The following GMDS variants were observed in gnomAD, a reference collection of about 807,000 sequenced individuals.
GMDS encodes GDP-mannose 4,6-dehydratase.
GMDS carries 20 observed loss-of-function variants against 49.9 expected under a neutral mutation model. That is an observed-to-expected ratio of 0.40 (90% CI 0.28 to 0.58). GMDS has a LOEUF of 0.58. Among genes scored for constraint, GMDS ranks in the 20% least tolerant of loss-of-function variants. The probability of loss-of-function intolerance (pLI) is 0.42; values close to 1 mark genes in which losing one functional copy is unlikely to be tolerated. For synonymous variants in GMDS, 177 were observed against 178.6 expected (o/e 0.99, Z 0.07); for missense variants, 362 against 481.4 (o/e 0.75, Z 2.32).
chr6:2,170,014 A>G (rs1280782421), intron 1 of GMDS, among the ~76,000 whole-genome samples: 4 of 152,148 alleles, frequency 2.6e-5, no homozygotes, highest in Non-Finnish European at 5.9e-5. Context: ...GACCAGCCTG[A>G]CCAACATAAA....
intron 4 of GMDS, among the ~76,000 whole-genome samples, chr6:1,986,439 G>T (rs1269215307): frequency 6.6e-6 from 1 of 152,162 alleles, no homozygotes; most frequent in Non-Finnish European, 1.5e-5. Context: ...TTGCATCTGT[G>T]AATTCCCTAT....
chr6:2,133,833 TCAAATTTTGTAAAAA>T (rs1480416300), intron 1 of GMDS, among the ~76,000 whole-genome samples: 31 of 152,316 alleles, frequency 2.0e-4, no homozygotes, highest in African/African-American at 6.3e-4. Context: ...CAAGGATATA[TCAAATTTTGTAAAAA>T]CAACTTTAAG....
At chr6:1,978,628 C>T (rs111861752) in intron 4 of GMDS, among the ~76,000 whole-genome samples, 27 of 152,256 alleles carry the variant, frequency 1.8e-4, no homozygotes, top group East Asian at 1.9e-4. Flanking sequence ...TGGGGCAGAG[C>T]GCCTGAGTGG....
At chr6:2,098,801 TA>T (rs1346355676) in intron 4 of GMDS, among the ~76,000 whole-genome samples, 3 of 152,162 alleles carry the variant, frequency 2.0e-5, no homozygotes, top group Admixed American at 2.0e-4. Flanking sequence ...TAATTGAATC[TA>T]TGCTAGCTAT....
At chr6:2,076,437 G>C (rs1420081972) in intron 4 of GMDS, among the ~76,000 whole-genome samples, 1 of 152,154 alleles carries the variant, frequency 6.6e-6, no homozygotes, top group Non-Finnish European at 1.5e-5. Context: ...AACCAAAAGA[G>C]AGCCCACATT....
intron 1 of GMDS, among the ~76,000 whole-genome samples, chr6:2,143,051 T>A (rs1254638543): frequency 6.6e-6 from 1 of 152,228 alleles, no homozygotes; most frequent in Non-Finnish European, 1.5e-5. Flanking sequence ...TGTTTCCCAC[T>A]GGTCTGTAGG....
chr6:1,837,712 G>C (rs1172542703), intron 7 of GMDS, among the ~76,000 whole-genome samples: 1 of 152,164 alleles, frequency 6.6e-6, no homozygotes, highest in African/African-American at 2.4e-5. Flanking sequence ...TTAAAGCGAA[G>C]GCACGATATT....
chr6:2,026,958 A>G (rs778466017), intron 4 of GMDS, among the ~76,000 whole-genome samples: 3 of 152,252 alleles, frequency 2.0e-5, no homozygotes, highest in Non-Finnish European at 4.4e-5. Context: ...CACAGATCAT[A>G]TAAGAAATAA....
intron 4 of GMDS, among the ~76,000 whole-genome samples, chr6:2,000,171 G>A (rs1384408907): frequency 6.9e-6 from 1 of 143,904 alleles, no homozygotes; most frequent in African/African-American, 2.6e-5. Flanking sequence ...AAGTAGCTGG[G>A]ACTACAGGCG....
intron 7 of GMDS, among the ~76,000 whole-genome samples, chr6:1,800,437 C>A (rs1769903311): frequency 6.6e-6 from 1 of 151,924 alleles, no homozygotes; most frequent in Non-Finnish European, 1.5e-5. Context: ...ACAACCATTT[C>A]TTTTCTTTTC....
chr6:2,184,897 A>G (rs917152133), intron 1 of GMDS, among the ~76,000 whole-genome samples: 4 of 152,128 alleles, frequency 2.6e-5, no homozygotes, highest in Non-Finnish European at 4.4e-5. Flanking sequence ...GTGTGCCACC[A>G]AGCTAATTCC....
chr6:1,925,472 T>G (rs1234340743), intron 7 of GMDS, among the ~76,000 whole-genome samples: 19 of 152,174 alleles, frequency 1.2e-4, no homozygotes, highest in Admixed American at 1.2e-3. Flanking sequence ...GATGCTAATT[T>G]TTTACAGGGT....
chr6:2,134,404 T>A (rs1160258481), intron 1 of GMDS, among the ~76,000 whole-genome samples: 35 of 152,232 alleles, frequency 2.3e-4, no homozygotes, highest in Non-Finnish European at 1.5e-5. Context: ...GACCAGAGCT[T>A]TGTAAGGGTA....
At chr6:1,811,344 C>A (rs994586694) in intron 7 of GMDS, among the ~76,000 whole-genome samples, 2 of 152,110 alleles carry the variant, frequency 1.3e-5, no homozygotes, top group South Asian at 2.1e-4. Context: ...GACATTTGGA[C>A]AAACAAGTCA....
rs1473951717 is a variant in GMDS, at chr6:1,738,140, C to T, written c.890+4328G>A. ...CACCACACACCCATACACACATACA[C>T]ACACAGATACACATACACACACACA... On this transcript the variant is annotated intron_variant, in intron 8 of 10. Coordinates refer to ENST00000380815, the MANE Select transcript of GMDS (RefSeq NM_001500.4). Among the ~76,000 whole-genome samples the T allele has an allele frequency of 5.0e-5, 5 of 100,030 alleles. No homozygotes were observed. The Admixed American group carries it at 5.9e-4, about 12-fold the overall frequency. 65.6% of individuals were successfully genotyped at this position (100,030 alleles called of 152,430 possible).
chr6:2,105,052 G>C (rs965394194), intron 4 of GMDS, among the ~76,000 whole-genome samples: 2 of 151,840 alleles, frequency 1.3e-5, no homozygotes, highest in African/African-American at 4.8e-5. Context: ...TGTGGTGGCA[G>C]GCACCTGTAG....
intron 7 of GMDS, among the ~76,000 whole-genome samples, chr6:1,776,454 G>T (rs751812628): frequency 6.6e-6 from 1 of 151,822 alleles, no homozygotes; most frequent in Non-Finnish European, 1.5e-5. Flanking sequence ...TTGGGGGGCC[G>T]AGGCATGGAG....
chr6:1,805,419 C>T (rs1161273432), intron 7 of GMDS, among the ~76,000 whole-genome samples: 2 of 152,162 alleles, frequency 1.3e-5, no homozygotes, highest in African/African-American at 2.4e-5. Flanking sequence ...AACATGTTTA[C>T]CATAAGCATT....
At chr6:2,051,854 C>T (rs1344156978) in intron 4 of GMDS, among the ~76,000 whole-genome samples, 1 of 152,068 alleles carries the variant, frequency 6.6e-6, no homozygotes, top group African/African-American at 2.4e-5. Flanking sequence ...TGCAGTGGCT[C>T]ACGCCTGTAA....
Sources: allele counts gnomAD v4.1 joint callset (sites outside exome capture counted in the v4.1 genomes callset), GRCh38; gene constraint gnomAD v4.1.1; transcripts MANE v1.5; gene names NCBI Gene and HGNC (gene_info 2026-07-23, HGNC 2026-07-21).